Variants in DLG2 observed in about 807,000 individuals in gnomAD.
DLG2 encodes the protein discs large MAGUK scaffold protein 2.
A neutral mutation model predicts 132.5 loss-of-function variants in DLG2; 45 were observed. The observed-to-expected ratio is 0.34, with a 90% CI of 0.27 to 0.44. The LOEUF is 0.44. DLG2 is among the 20% of genes least tolerant of loss of function. The pLI, the probability that DLG2 is intolerant of heterozygous loss-of-function variation, is 1.00. For synonymous variants in DLG2, 424 were observed against 419.6 expected (o/e 1.01, Z -0.13); for missense variants, 1,045 against 1,196.9 (o/e 0.87, Z 1.87).
intron 6 of DLG2, among the ~76,000 whole-genome samples, chr11:84,619,783 A>G (rs1261769754): frequency 6.6e-6 from 1 of 151,780 alleles, no homozygotes; most frequent in Non-Finnish European, 1.5e-5. Context: ...GGAAGAAATT[A>G]TAAAATTGTA....
At chr11:84,061,309 C>T (rs1213436396) in intron 10 of DLG2, among the ~76,000 whole-genome samples, 1 of 152,150 alleles carries the variant, frequency 6.6e-6, no homozygotes, top group South Asian at 2.1e-4. Context: ...TTAGTACATA[C>T]TCTCTTATGT....
At chr11:83,774,347 G>A (rs981304203) in intron 18 of DLG2, among the ~76,000 whole-genome samples, 7 of 152,040 alleles carry the variant, frequency 4.6e-5, no homozygotes, top group South Asian at 2.1e-4. Flanking sequence ...GATAATTATC[G>A]CTTATGGAGG....
intron 3 of DLG2, among the ~76,000 whole-genome samples, chr11:85,505,367 G>A (rs1366053422): frequency 6.6e-6 from 1 of 151,944 alleles, no homozygotes; most frequent in African/African-American, 2.4e-5. Flanking sequence ...TTGTCATAAA[G>A]AGGTCTTATT....
At chr11:83,776,110 AAAAT>A (rs533689872) in intron 18 of DLG2, among the ~76,000 whole-genome samples, 2,602 of 149,830 alleles carry the variant, frequency 0.017, 73 homozygotes, top group African/African-American at 0.06. Flanking sequence ...ATAAATAAAT[AAAAT>A]AAATAAATAA....
intron 6 of DLG2, among the ~76,000 whole-genome samples, chr11:85,004,688 T>C (rs1383679913): frequency 6.6e-6 from 1 of 151,764 alleles, no homozygotes; most frequent in Non-Finnish European, 1.5e-5. Context: ...CTGATAATAG[T>C]TTTTTTTAAT....
chr11:85,230,313 AT>A (rs1407738170), intron 4 of DLG2, among the ~76,000 whole-genome samples: 13 of 151,676 alleles, frequency 8.6e-5, no homozygotes, highest in Non-Finnish European at 1.9e-4. Context: ...GGTGATTTTT[AT>A]TTTTTGTGTA....
chr11:84,052,555 C>G (rs987357534), intron 11 of DLG2, among the ~76,000 whole-genome samples: 4 of 151,594 alleles, frequency 2.6e-5, no homozygotes, highest in African/African-American at 9.7e-5. Flanking sequence ...AGAACCTTCT[C>G]AAAAGAAGAC....
intron 7 of DLG2, among the ~76,000 whole-genome samples, chr11:84,261,723 C>T (rs548362055): frequency 6.6e-6 from 1 of 152,300 alleles, no homozygotes; most frequent in East Asian, 1.9e-4. Flanking sequence ...TCCACCTACA[C>T]TCCTAACAGT....
intron 3 of DLG2, among the ~76,000 whole-genome samples, chr11:85,457,209 T>C (rs933779087): frequency 6.7e-6 from 1 of 150,310 alleles, no homozygotes; most frequent in Non-Finnish European, 1.5e-5. Context: ...TTATCTTTGT[T>C]GGGCTTAAAG....
intron 13 of DLG2, among the ~76,000 whole-genome samples, chr11:83,963,427 C>A (rs768819267): frequency 3.3e-5 from 5 of 151,988 alleles, no homozygotes; most frequent in Non-Finnish European, 7.4e-5. Flanking sequence ...GGATCAGGTT[C>A]TCCTGTGAGA....
rs1457830655 is a variant in DLG2 at position 84,347,279 on chromosome 11, C to G, written c.520-95988G>C. Among the ~76,000 whole-genome samples, 6 of 152,162 alleles carry G rather than the reference C, an allele frequency of 3.9e-5. No individual in the cohort carries two copies. In the East Asian group the frequency reaches 1.2e-3, roughly 29 times the overall value. The stretch of plus-strand genomic sequence containing the variant: ...ATGTGTGACCACTTGAGAATATTAA[C>G]ATATGTAATACATTGTATATCGAGA... On this transcript the variant is annotated intron_variant, in intron 7 of 27. Coordinates refer to ENST00000376104, the MANE Select transcript of DLG2 (RefSeq NM_001142699.3).
At chr11:84,252,622 C>T (rs1025739494) in intron 7 of DLG2, among the ~76,000 whole-genome samples, 1 of 152,036 alleles carries the variant, frequency 6.6e-6, no homozygotes, top group Non-Finnish European at 1.5e-5. Flanking sequence ...TACAGGAGTG[C>T]TACAAGGCAA....
intron 3 of DLG2, among the ~76,000 whole-genome samples, chr11:85,353,914 C>T (rs1264513360): frequency 1.3e-5 from 2 of 151,748 alleles, no homozygotes; most frequent in East Asian, 1.9e-4. Context: ...GTGCAGCACA[C>T]CAACATGGCG....
intron 7 of DLG2, among the ~76,000 whole-genome samples, chr11:84,411,562 CT>C (rs60348213): frequency 6.7e-4 from 98 of 146,112 alleles, no homozygotes; most frequent in Middle Eastern, 3.6e-3. Flanking sequence ...ATCTGTGGTA[CT>C]TTTTTTTTTT....
intron 3 of DLG2, among the ~76,000 whole-genome samples, chr11:85,474,428 G>C (rs1050152323): frequency 1.3e-5 from 2 of 151,914 alleles, no homozygotes; most frequent in Non-Finnish European, 2.9e-5. Context: ...ACCATGGTGA[G>C]CTTTTAAAAT....
chr11:85,059,088 A>G (rs1336938273), intron 6 of DLG2, among the ~76,000 whole-genome samples: 1 of 151,536 alleles, frequency 6.6e-6, no homozygotes, highest in Admixed American at 6.6e-5. Flanking sequence ...GTGAAATAAA[A>G]TGTTTGGAAT....
chr11:84,618,420 C>T (rs76460198), intron 6 of DLG2, among the ~76,000 whole-genome samples: 4,858 of 152,140 alleles, frequency 0.032, 95 homozygotes, highest in Middle Eastern at 0.058. Flanking sequence ...TAACCATCAT[C>T]CTTTTAATGA....
At position 84,079,281 on chromosome 11, in the gene DLG2, T is replaced by TG. The variant is rs984927439; in HGVS notation, c.749+19641_749+19642insC. On this transcript the variant is annotated intron_variant, in intron 10 of 27. Coordinates refer to ENST00000376104, the MANE Select transcript of DLG2 (RefSeq NM_001142699.3). ...TAATAGCTTCTATTTTTGGTTTGTTTTTTTTTTTGTTTTTCTTTTTGAGAT... is the reference window on the plus strand; with the variant it reads ...TAATAGCTTCTATTTTTGGTTTGTTTGTTTTTTTTGTTTTTCTTTTTGAGAT... 1.5e-4 allele frequency among the ~76,000 whole-genome samples: 23 copies of TG among 151,524 alleles called. No homozygotes were observed. In the East Asian group the frequency reaches 2.5e-3, roughly 17 times the overall value.
At chr11:85,578,781 T>C (rs1193159220) in intron 3 of DLG2, among the ~76,000 whole-genome samples, 4 of 152,116 alleles carry the variant, frequency 2.6e-5, no homozygotes, top group African/African-American at 7.2e-5. Flanking sequence ...ACACTATTAG[T>C]GGGAGTGTAA....
Sources: allele counts gnomAD v4.1 joint callset (sites outside exome capture counted in the v4.1 genomes callset), GRCh38; gene constraint gnomAD v4.1.1; transcripts MANE v1.5; gene names NCBI Gene and HGNC (gene_info 2026-07-23, HGNC 2026-07-21).